The following LONP1 variants were observed in gnomAD, a reference collection of about 807,000 sequenced individuals.
LONP1 encodes lon peptidase 1, mitochondrial.
In LONP1, 31 loss-of-function variants were observed where a neutral mutation model predicts 98.5. The observed-to-expected ratio is 0.31, with a 90% CI of 0.24 to 0.42. The LOEUF is 0.42. LONP1 is among the 20% of genes least tolerant of loss of function. The pLI, the probability that LONP1 is intolerant of heterozygous loss-of-function variation, is 1.00. For synonymous variants in LONP1, 781 were observed against 594.7 expected, an observed-to-expected ratio of 1.31 and a Z score of -4.56; for missense variants, 1,336 against 1,350.6, an observed-to-expected ratio of 0.99 and a Z score of 0.17.
chr19:5,708,723 C>T (rs1034779785), intron 4 of LONP1: 1 of 273,552 alleles, frequency 3.7e-6, no homozygotes, highest in Admixed American at 4.7e-5. Context: ...TTTTAAGAGA[C>T]CAAGTCTTGG....
intron 11 of LONP1, 80 bp from the exon 12 acceptor site, chr19:5,696,451 C>T: frequency 4.5e-6 from 7 of 1,548,814 alleles, no homozygotes; most frequent in Non-Finnish European, 6.1e-6. Flanking sequence ...AGGGTCAGGG[C>T]TGGGGAGACC....
At chr19:5,697,329 G>C (rs1035973351) in intron 10 of LONP1, among the ~76,000 whole-genome samples, 2 of 151,868 alleles carry the variant, frequency 1.3e-5, no homozygotes, top group Non-Finnish European at 2.9e-5. Flanking sequence ...TGTGCAGGGG[G>C]GTAAGGAGTG....
intron 8 of LONP1, among the ~76,000 whole-genome samples, chr19:5,704,552 G>A (rs186194070): frequency 5.5e-4 from 84 of 152,316 alleles, no homozygotes; most frequent in African/African-American, 1.4e-3. Flanking sequence ...GCCCTGCCCC[G>A]GGGACTTCTG....
intron 4 of LONP1, chr19:5,708,780 G>A (rs1351374547): frequency 1.1e-4 from 20 of 176,542 alleles, no homozygotes; most frequent in Admixed American, 2.9e-4. Flanking sequence ...TTGGGAGGCC[G>A]AGGCGGGTGG....
chr19:5,695,240 GC>G (rs1207949062), intron 13 of LONP1, among the ~76,000 whole-genome samples: 1 of 152,144 alleles, frequency 6.6e-6, no homozygotes, highest in Admixed American at 6.5e-5. Flanking sequence ...CGTGGCTGCT[GC>G]CCTCAGCACA....
intron 8 of LONP1, 52 bp from the exon 9 acceptor site, chr19:5,700,979 C>G (rs761919228): frequency 6.2e-7 from 1 of 1,608,740 alleles, no homozygotes; most frequent in Admixed American, 1.7e-5. Flanking sequence ...AGCTGCCTGT[C>G]TCTCTGCTGG....
rs1184157964 is a variant in LONP1 at position 5,692,008 on chromosome 19, C to T, written c.*24G>A. 1 of 984,108 alleles carries T rather than the reference C, an allele frequency of 1.0e-6. No individual in the cohort carries two copies. Among genetic ancestry groups the T allele is most frequent in the Admixed American group, 2.5e-5 (1 of 40,394 alleles). The allele number at this position is 984,108 out of a possible 1,614,324, so 61.0% of individuals were successfully genotyped here. On this transcript the variant is annotated 3_prime_UTR_variant, in exon 18 of 18. Coordinates refer to ENST00000360614, the MANE Select transcript of LONP1 (RefSeq NM_004793.4). ...TGGCCCAGACAGGGCCTGACATCCG[C>T]CGCCTGCAGTCCCGGGGTGGCCGTC...
chr19:5,703,173 TC>T (rs1347625718), intron 8 of LONP1, among the ~76,000 whole-genome samples: 1 of 110,316 alleles, frequency 9.1e-6, no homozygotes, highest in Non-Finnish European at 1.8e-5. Flanking sequence ...AGAGTGAGAC[TC>T]CATCTCAAAA....
chr19:5,712,242 CA>C (rs1203958545), intron 3 of LONP1, among the ~76,000 whole-genome samples: 2 of 152,154 alleles, frequency 1.3e-5, no homozygotes, highest in Non-Finnish European at 2.9e-5. Context: ...CATCCCACGC[CA>C]ATGCATCACT....
chr19:5,694,638 C>CGGGCGCGGGGTGGTGGGTTGAT, intron 14 of LONP1, 86 bp from the exon 15 acceptor site: 1 of 1,522,928 alleles, frequency 6.6e-7, no homozygotes, highest in Non-Finnish European at 9.0e-7. Flanking sequence ...AAAGGTGTGA[C>CGGGCGCGGGGTGGTGGGTTGAT]GGGCGCGGGG....
chr19:5,702,213 G>GC (rs1397991544), intron 8 of LONP1, among the ~76,000 whole-genome samples: 1 of 149,434 alleles, frequency 6.7e-6, no homozygotes, highest in Non-Finnish European at 1.5e-5. Context: ...GTGGGGGTCA[G>GC]CCCCCCGCCC....
Position 5,693,617 on chromosome 19 carries a change from G to A in LONP1, c.2473C>T (p.Leu825Phe). The A allele has an allele frequency of 1.2e-6, 2 of 1,614,096 alleles. No homozygotes were observed. The highest frequency in any genetic ancestry group is 2.2e-5 in the East Asian group (1 of 44,872). Residue 825 changes from leucine to phenylalanine, a missense_variant, in exon 16 of 18, where the codon CTC (leucine) becomes TTC (phenylalanine). Transcript: ENST00000360614. ...TCATTGGCGGGGGCGTGCTGCATGA[G>A]GAAGGCTCTGGCGAAGGTGTAGGCT... ...RIAYTFARAF[L>F]MQHAPANDYL...
chr19:5,718,199 C>T (rs1304732471), intron 1 of LONP1, among the ~76,000 whole-genome samples: 6 of 151,950 alleles, frequency 3.9e-5, no homozygotes, highest in South Asian at 2.1e-4. Context: ...GCCTTGGGGC[C>T]GGGCGCAGTG....
intron 1 of LONP1, among the ~76,000 whole-genome samples, chr19:5,715,864 A>G (rs1378788313): frequency 6.6e-6 from 1 of 151,746 alleles, no homozygotes; most frequent in Non-Finnish European, 1.5e-5. Flanking sequence ...GCCATGAGCC[A>G]CCATGCCTGG....
intron 9 of LONP1, 51 bp from the exon 10 acceptor site, chr19:5,699,256 C>T: frequency 7.0e-7 from 1 of 1,430,116 alleles, no homozygotes; most frequent in Non-Finnish European, 9.3e-7. Flanking sequence ...AAGCCGGGGA[C>T]CCGCGCATGA....
intron 2 of LONP1, among the ~76,000 whole-genome samples, 182 bp downstream of exon 2, chr19:5,714,001 A>G (rs1024291137): frequency 2.6e-5 from 4 of 152,204 alleles, no homozygotes; most frequent in African/African-American, 9.7e-5. Context: ...GTTTAGTACT[A>G]CAAGCTGAGT....
chr19:5,696,281 G>T lies in LONP1; in HGVS notation c.1864C>A (p.His622Asn). The change falls in exon 12 of 18, where the codon CAC becomes AAC. Residue 622 changes from histidine (H) to asparagine (N), a missense_variant. His to Asn is a moderately conservative substitution (Grantham distance 68, BLOSUM62 1). Around this residue, in one of 5 missense-constraint regions of LONP1, gnomAD observed 555 missense variants for 542.6 expected, o/e 1.02. Coordinates refer to ENST00000360614, the MANE Select transcript of LONP1 (RefSeq NM_004793.4). ...AAGTCCACGGGCACGTCCAGGTAGT[G>T]GTCCAGGAAGTTGGCATTCTGCTCT... ...DPEQNANFLD[H>N]YLDVPVDLSK... The T allele has an allele frequency of 6.2e-7, 1 of 1,613,426 alleles. No homozygotes were observed. The highest frequency in any genetic ancestry group is 8.5e-7 in the Non-Finnish European group (1 of 1,179,892).
intron 17 of LONP1, 32 bp from the exon 18 acceptor site, chr19:5,692,240 G>A (rs2054838876): frequency 1.3e-6 from 2 of 1,581,518 alleles, no homozygotes; most frequent in East Asian, 2.3e-5. Flanking sequence ...GCCCTGCCTG[G>A]GCCTGTGGGA....
At chr19:5,706,060 C>T (rs924526098) in intron 7 of LONP1, 68 bp from the exon 8 acceptor site, 25 of 1,010,218 alleles carry the variant, frequency 2.5e-5, no homozygotes, top group African/African-American at 1.9e-4. Context: ...CGTCCCCAGA[C>T]GAAGGGGGAC....
Sources: allele counts gnomAD v4.1 joint callset (sites outside exome capture counted in the v4.1 genomes callset), GRCh38; gene constraint gnomAD v4.1.1; regional missense constraint gnomAD v4.1.1; transcripts MANE v1.5; gene names NCBI Gene and HGNC (gene_info 2026-07-23, HGNC 2026-07-21).